The following GABBR2 variants were observed in gnomAD, a reference collection of about 807,000 sequenced individuals.
GABBR2 encodes G-protein coupled receptor 51.
In GABBR2, 23 loss-of-function variants were observed where a neutral mutation model predicts 105.6. That is an observed-to-expected ratio of 0.22 (90% CI 0.16 to 0.31). The LOEUF is 0.31. GABBR2 is among the 10% of genes least tolerant of loss of function. The pLI, the probability that GABBR2 is intolerant of heterozygous loss-of-function variation, is 1.00. For synonymous variants in GABBR2, 478 were observed against 499.7 expected (o/e 0.96, Z 0.58); for missense variants, 734 against 1,245.5 (o/e 0.59, Z 6.18).
At chr9:98,519,408 G>C (rs1178696744) in intron 3 of GABBR2, among the ~76,000 whole-genome samples, 2 of 152,258 alleles carry the variant, frequency 1.3e-5, no homozygotes, top group African/African-American at 4.8e-5. Flanking sequence ...CTCCAGAAGG[G>C]AAGAGAAAAA....
intron 7 of GABBR2, among the ~76,000 whole-genome samples, chr9:98,450,629 C>T (rs953822254): frequency 4.0e-5 from 6 of 151,166 alleles, no homozygotes; most frequent in African/African-American, 1.5e-4. Context: ...AGTCATTTTC[C>T]TTTTCTGGAC....
intron 15 of GABBR2, chr9:98,304,346 G>C (rs1436154659): frequency 1.3e-5 from 2 of 152,450 alleles, no homozygotes. Flanking sequence ...TCTCTGGGGA[G>C]ACTAGAGGAG....
At chr9:98,526,166 A>G (rs1010646390) in intron 3 of GABBR2, among the ~76,000 whole-genome samples, 1 of 152,170 alleles carries the variant, frequency 6.6e-6, no homozygotes, top group African/African-American at 2.4e-5. Context: ...TTTTCCCAAT[A>G]AAAACAAAAC....
intron 2 of GABBR2, among the ~76,000 whole-genome samples, chr9:98,573,064 G>C (rs1036677457): frequency 3.3e-5 from 5 of 152,184 alleles, no homozygotes; most frequent in African/African-American, 1.2e-4. Context: ...GGGCCACACT[G>C]TGAGAGGCTC....
At chr9:98,667,376 A>G (rs1184693064) in intron 1 of GABBR2, among the ~76,000 whole-genome samples, 1 of 152,136 alleles carries the variant, frequency 6.6e-6, no homozygotes, top group Non-Finnish European at 1.5e-5. Context: ...TCCACTGTCC[A>G]GGTCCTCCCT....
At chr9:98,577,903 C>G in intron 2 of GABBR2, 32 bp downstream of exon 2, 2 of 1,576,884 alleles carry the variant, frequency 1.3e-6, no homozygotes, top group South Asian at 2.3e-5. Flanking sequence ...CCAAAGACAC[C>G]TCCCCACAAA....
chr9:98,577,253 GC>G (rs1156976757), intron 2 of GABBR2, among the ~76,000 whole-genome samples: 3 of 12,850 alleles, frequency 2.3e-4, no homozygotes, highest in African/African-American at 8.5e-4. Context: ...ATGTGTATGG[GC>G]CACCACTCAC....
chr9:98,701,524 C>T (rs1257693341), intron 1 of GABBR2, among the ~76,000 whole-genome samples: 1 of 152,150 alleles, frequency 6.6e-6, no homozygotes, highest in Non-Finnish European at 1.5e-5. Flanking sequence ...ACAAGACCAA[C>T]CATCCCAGAG....
intron 1 of GABBR2, among the ~76,000 whole-genome samples, chr9:98,639,637 A>G (rs1391019364): frequency 6.6e-6 from 1 of 152,040 alleles, no homozygotes; most frequent in East Asian, 1.9e-4. Context: ...CCCACTTACA[A>G]TGGTTCAAGA....
At chr9:98,430,670 T>C (rs1421938896) in intron 7 of GABBR2, among the ~76,000 whole-genome samples, 1 of 152,098 alleles carries the variant, frequency 6.6e-6, no homozygotes, top group East Asian at 1.9e-4. Context: ...TGCATAGTTC[T>C]CCCTCTCCAT....
chr9:98,529,024 T>C (rs976043858), intron 3 of GABBR2, among the ~76,000 whole-genome samples: 1 of 152,146 alleles, frequency 6.6e-6, no homozygotes, highest in Non-Finnish European at 1.5e-5. Flanking sequence ...AACGGCAGCC[T>C]TCTTGAGTAA....
intron 17 of GABBR2, among the ~76,000 whole-genome samples, chr9:98,298,074 T>A (rs1450633361): frequency 6.7e-6 from 1 of 150,262 alleles, no homozygotes; most frequent in Admixed American, 6.6e-5. Flanking sequence ...TGTAAAATAG[T>A]CCCTTCTCAC....
chr9:98,667,872 T>C (rs976541554), intron 1 of GABBR2, among the ~76,000 whole-genome samples: 18 of 152,188 alleles, frequency 1.2e-4, no homozygotes, highest in African/African-American at 3.6e-4. Flanking sequence ...GATATGCCTG[T>C]CCCCCCAGCT....
intron 1 of GABBR2, among the ~76,000 whole-genome samples, chr9:98,666,322 A>T (rs1256540783): frequency 6.6e-6 from 1 of 152,196 alleles, no homozygotes; most frequent in Non-Finnish European, 1.5e-5. Flanking sequence ...CTGGGAACCA[A>T]GGGCTAGAGG....
chr9:98,368,171 C>T (rs1053919673), intron 12 of GABBR2, among the ~76,000 whole-genome samples: 4 of 152,020 alleles, frequency 2.6e-5, no homozygotes, highest in Non-Finnish European at 5.9e-5. Flanking sequence ...ACACAATTAC[C>T]ATCCTCTGAT....
chr9:98,506,228 T>G (rs1259738309), intron 3 of GABBR2, among the ~76,000 whole-genome samples: 1 of 152,156 alleles, frequency 6.6e-6, no homozygotes, highest in Non-Finnish European at 1.5e-5. Context: ...TCACTGACTT[T>G]GAGTTGACTT....
intron 1 of GABBR2, among the ~76,000 whole-genome samples, chr9:98,680,668 A>G (rs896618052): frequency 2.0e-5 from 3 of 152,216 alleles, no homozygotes; most frequent in African/African-American, 7.2e-5. Flanking sequence ...AAGAATAAAC[A>G]GGTGAGAACA....
chr9:98,648,226 G>A (rs912727911), intron 1 of GABBR2, among the ~76,000 whole-genome samples: 4 of 151,986 alleles, frequency 2.6e-5, no homozygotes, highest in South Asian at 4.2e-4. Flanking sequence ...CTGCCTCCTG[G>A]GTTCAAGCCA....
chr9:98,434,648 G>C (rs913093424), intron 7 of GABBR2, among the ~76,000 whole-genome samples: 1 of 152,216 alleles, frequency 6.6e-6, no homozygotes, highest in South Asian at 2.1e-4. Flanking sequence ...AGTTGACCAA[G>C]TGTGATACAG....
Sources: gnomAD v4.1 joint callset for allele counts (sites outside exome capture counted in the v4.1 genomes callset) on GRCh38, gnomAD v4.1.1 for gene constraint, MANE v1.5 for transcripts, NCBI Gene and HGNC (gene_info 2026-07-23, HGNC 2026-07-21) for gene names.